Variants in SCRIB observed in about 807,000 individuals in gnomAD.
The protein encoded by SCRIB is protein scribble homolog.
Under a neutral mutation model 170.0 loss-of-function variants are expected in SCRIB, and 72 were observed. That is an observed-to-expected ratio of 0.42 (90% confidence interval 0.35 to 0.52). The LOEUF (loss-of-function observed/expected upper bound fraction) is 0.52. Among genes scored for constraint, SCRIB ranks in the 20% least tolerant of loss-of-function variants. The pLI, the probability that SCRIB is intolerant of heterozygous loss-of-function variation, is 0.02. For missense variants in SCRIB, 2,475 were observed against 2,338.5 expected (o/e 1.06, Z -1.20); for synonymous variants, 1,298 against 1,044.3 (o/e 1.24, Z -4.68).
Position 143,795,215 on chromosome 8 carries a change from C to T in SCRIB, c.3771+62G>A, listed in dbSNP as rs572485090. ...TCCTGGGGGTTACTACCCAGCACCC[C>T]ACAGGCAATGTGCACCCCGCTCCAG... On this transcript the variant is annotated intron_variant, in intron 26 of 36. Coordinates refer to ENST00000356994, the MANE Select transcript of SCRIB (RefSeq NM_182706.5). 212 of 1,607,762 alleles carry T rather than the reference C, an allele frequency of 1.3e-4. 5 individuals carry two copies. In the South Asian group the frequency reaches 2.2e-3, roughly 17 times the overall value.
At chr8:143,791,625 G>C (rs1180697913) in intron 35 of SCRIB, 41 bp downstream of exon 35, 16 of 1,558,534 alleles carry the variant, frequency 1.0e-5, no homozygotes, top group Middle Eastern at 1.7e-4. Context: ...TGGCAGGCAC[G>C]GACAGGGTGG....
In SCRIB at chr8:143,810,752, G is replaced by C. The variant is rs772577430; in HGVS notation, c.1338C>G (p.Ser446Arg). 3 of 1,608,468 alleles carry C rather than the reference G, an allele frequency of 1.9e-6. No individual in the cohort carries two copies. The highest frequency in any genetic ancestry group is 2.2e-5 in the South Asian group (2 of 90,954). ...TWSDAPPSRV[S>R]VIQFLEAPIG... Reference sequence around the variant, plus strand: ...TGGGGGCCTCCAGGAACTGGATGACGCTGACGCGGCTCGGCGGGGCATCGC... The same window carrying C: ...TGGGGGCCTCCAGGAACTGGATGACCCTGACGCGGCTCGGCGGGGCATCGC... Residue 446 changes from serine (S) to arginine (R), a missense_variant, in exon 12 of 37, where the codon AGC (serine) becomes AGG (arginine). Transcript: ENST00000356994.
intron 24 of SCRIB, among the ~76,000 whole-genome samples, chr8:143,800,851 G>A (rs1815144243): frequency 6.6e-6 from 1 of 152,270 alleles, no homozygotes; most frequent in Non-Finnish European, 1.5e-5. Context: ...TCCAGCCTGG[G>A]CGACAGAGCG....
Position 143,809,617 on chromosome 8 carries a change from C to T in SCRIB, c.1632G>A (p.Gln544=). ...AEPEGPSAEA[Q]GGSQQEATTA... is the part of the protein sequence containing the mutation. Reference sequence around the variant, plus strand: ...TCGTGGCTTCCTGCTGGCTCCCACCCTGTGCCTCAGCCGACGGGCCCTCGG... The same window carrying T: ...TCGTGGCTTCCTGCTGGCTCCCACCTTGTGCCTCAGCCGACGGGCCCTCGG... The change falls in exon 14 of 37, where the codon CAG becomes CAA. Residue 544 remains glutamine (Q), a synonymous_variant. Transcript: ENST00000356994. The T allele has an allele frequency of 1.2e-6, 2 of 1,611,300 alleles. No individual in the cohort carries two copies. The highest frequency in any genetic ancestry group is 1.7e-6 in the Non-Finnish European group (2 of 1,179,940).
At chr8:143,796,396 C>T (rs1340087786) in intron 24 of SCRIB, among the ~76,000 whole-genome samples, 5 of 152,140 alleles carry the variant, frequency 3.3e-5, no homozygotes, top group African/African-American at 1.2e-4. Flanking sequence ...CAGGGACAAA[C>T]CCAGCCCTGT....
At position 143,791,148 on chromosome 8, in the gene SCRIB, G is replaced by T. The variant is rs1554632468; in HGVS notation, c.*15C>A. Reference sequence around the variant, plus strand: ...CAGGGCCCCCACCCCAAGTCTGGGGGAGGTGCCTGCTCCTCTAGGAGGGCA... The same window carrying T: ...CAGGGCCCCCACCCCAAGTCTGGGGTAGGTGCCTGCTCCTCTAGGAGGGCA... On this transcript the variant is annotated 3_prime_UTR_variant, in exon 37 of 37. Coordinates refer to ENST00000356994, the MANE Select transcript of SCRIB (RefSeq NM_182706.5). The T allele has an allele frequency of 2.9e-6, 4 of 1,394,502 alleles. No individual in the cohort carries two copies. The highest frequency in any genetic ancestry group is 3.7e-6 in the Non-Finnish European group (4 of 1,073,610). 86.4% of individuals were successfully genotyped at this position (1,394,502 alleles called of 1,614,324 possible). A position where few individuals can be genotyped will look rare whatever the true frequency, so the allele number is the denominator to read the frequency against.
chr8:143,803,823 G>A lies in SCRIB; in HGVS notation c.3238C>T (p.Arg1080Trp), dbSNP rs1158808802. The change falls in exon 23 of 37, where the codon CGG (arginine) becomes TGG (tryptophan). Residue 1080 changes from arginine to tryptophan, a missense_variant. By Grantham distance (101) the Arg-to-Trp change is moderately radical. This residue lies in a region of SCRIB where 1,966 missense variants were observed against 1,742.9 expected (regional missense o/e 1.13). Coordinates refer to ENST00000356994, the MANE Select transcript of SCRIB (RefSeq NM_182706.5). ...THQEAVSALLRPCLELSLLVR... is the reference protein window; with the variant it reads ...THQEAVSALLWPCLELSLLVR... ...AGCAGCGACAGCTCCAGGCAGGGCC[G>A]GAGCAGGGCACTGACTGCTTCTTGG... The A allele has an allele frequency of 1.1e-5, 18 of 1,603,908 alleles. No homozygotes were observed. Among genetic ancestry groups the A allele is most frequent in the Admixed American group, 8.4e-5 (5 of 59,588 alleles).
At chr8:143,796,005 CG>C (rs1440861167) in intron 24 of SCRIB, among the ~76,000 whole-genome samples, 2 of 152,142 alleles carry the variant, frequency 1.3e-5, no homozygotes, top group Non-Finnish European at 2.9e-5. Flanking sequence ...GCAGGAGGCC[CG>C]GCCAGCTCTG....
At chr8:143,791,822 A>AG (rs1554632748) in intron 34 of SCRIB, 54 bp downstream of exon 34, 2 of 1,244,930 alleles carry the variant, frequency 1.6e-6, no homozygotes, top group South Asian at 1.6e-5. Context: ...GGCAGGCCAG[A>AG]CCCCACCCCC....
Position 143,792,029 on chromosome 8 carries a change from G to T in SCRIB, c.4619C>A (p.Pro1540His). 6.4e-7 allele frequency: 1 copy of T among 1,566,134 alleles called. No individual in the cohort carries two copies. ...RGPLERLAEA[P>H]SPAPTPSPTP... Reference sequence around the variant, plus strand: ...GGGCGACGGGGTGGGCGCAGGGGAAGGGGCCTCGGCCAGTCGCTCCAGGGG... The same window carrying T: ...GGGCGACGGGGTGGGCGCAGGGGAATGGGCCTCGGCCAGTCGCTCCAGGGG... The change falls in exon 33 of 37, where the codon CCT becomes CAT. Residue 1540 changes from proline (P) to histidine (H), a missense_variant. Transcript: ENST00000356994.
intron 36 of SCRIB, 39 bp from the exon 37 acceptor site, chr8:143,791,347 G>T (rs781848499): frequency 6.3e-7 from 1 of 1,596,370 alleles, no homozygotes; most frequent in Non-Finnish European, 8.5e-7. Flanking sequence ...GCTGAGGGCA[G>T]CTGGGCTCCT....
At position 143,804,969 on chromosome 8, in the gene SCRIB, C is replaced by T. The variant is rs782451541; in HGVS notation, c.2716G>A (p.Ala906Thr). The change falls in exon 20 of 37, where the codon GCG becomes ACG. Residue 906 changes from alanine (A) to threonine (T), a missense_variant. Physicochemically the swap from Ala to Thr is moderately conservative, Grantham distance 58. This residue lies in a region of SCRIB where 1,966 missense variants were observed against 1,742.9 expected (regional missense o/e 1.13). Coordinates refer to ENST00000356994, the MANE Select transcript of SCRIB (RefSeq NM_182706.5). ...CGGTCGCCAACCTGCAGTGTGCCCG[C>T]GCGGTGAGCAGCACCGCCCTCGGCA... ...RIAEGGAAHR[A>T]GTLQVGDRVL... 5.7e-6 allele frequency: 9 copies of T among 1,581,470 alleles called. No individual in the cohort carries two copies. Among genetic ancestry groups the T allele is most frequent in the African/African-American group, 4.0e-5 (3 of 74,686 alleles).
At chr8:143,792,154 G>A (rs782436299) in intron 32 of SCRIB, 21 bp from the exon 33 acceptor site, 39 of 1,559,082 alleles carry the variant, frequency 2.5e-5, no homozygotes, top group Non-Finnish European at 3.4e-5. Flanking sequence ...CAGCGGGCAG[G>A]GGTGACTTGG....
intron 32 of SCRIB, 42 bp from the exon 33 acceptor site, chr8:143,792,175 G>A (rs1187126795): frequency 1.3e-6 from 2 of 1,558,922 alleles, no homozygotes; most frequent in African/African-American, 1.4e-5. Flanking sequence ...GGCAGGAGCA[G>A]GGACAGGCAG....
chr8:143,808,424 G>A (rs910499645), intron 15 of SCRIB, among the ~76,000 whole-genome samples, 185 bp downstream of exon 15: 1 of 151,800 alleles, frequency 6.6e-6, no homozygotes, highest in African/African-American at 2.4e-5. Context: ...TGAGACCAAT[G>A]CCAGGGCAGG....
chr8:143,810,222 G>A (rs1471741244), intron 13 of SCRIB, among the ~76,000 whole-genome samples: 3 of 151,742 alleles, frequency 2.0e-5, no homozygotes, highest in Admixed American at 6.6e-5. Context: ...CCCATTCCCT[G>A]TGCTCCCAGG....
chr8:143,791,468 CG>C (rs1563785506), intron 35 of SCRIB, 28 bp from the exon 36 acceptor site: 1 of 1,606,156 alleles, frequency 6.2e-7, no homozygotes, highest in South Asian at 1.1e-5. Context: ...TTGGTCAGGC[CG>C]GTGCCAGCCC....
rs372938881 is a variant in SCRIB, at chr8:143,807,032, G to C, written c.2179-19C>G. 8.8e-6 allele frequency: 14 copies of C among 1,588,980 alleles called. No individual in the cohort carries two copies. In the African/African-American group the frequency reaches 1.6e-4, roughly 18 times the overall value. On this transcript the variant is annotated intron_variant, in intron 16 of 36. Coordinates refer to ENST00000356994, the MANE Select transcript of SCRIB (RefSeq NM_182706.5). ...GGGTCAGCTGGAAACAGAACAGACA[G>C]GGTGTCTAGAAGGGCCGCAGTGGGG... is the stretch of plus-strand genomic sequence containing the variant.
At chr8:143,798,562 A>G (rs7822133) in intron 24 of SCRIB, among the ~76,000 whole-genome samples, 150,495 of 152,332 alleles carry the variant, frequency 0.99, 74,353 homozygotes, top group Middle Eastern at 1. Context: ...AGCCTCCTGA[A>G]TACCTGCGAC....
Sources: allele counts gnomAD v4.1 joint callset (sites outside exome capture counted in the v4.1 genomes callset), GRCh38; gene constraint gnomAD v4.1.1; regional missense constraint gnomAD v4.1.1; transcripts MANE v1.5; gene names NCBI Gene and HGNC (gene_info 2026-07-23, HGNC 2026-07-21).